Variants in LRP1B observed in about 807,000 individuals in gnomAD.
LRP1B encodes LDL receptor related protein 1B.
A neutral mutation model predicts 556.6 loss-of-function variants in LRP1B; 217 were observed. That is an observed-to-expected ratio of 0.39 (90% CI 0.35 to 0.44). The LOEUF is 0.44. LRP1B is among the 20% of genes least tolerant of loss of function. The probability of loss-of-function intolerance (pLI) is 1.00; values close to 1 mark genes in which losing one functional copy is unlikely to be tolerated. For missense variants in LRP1B, 5,053 were observed against 5,620.8 expected (o/e 0.90, Z 3.23); for synonymous variants, 2,047 against 1,865.8 (o/e 1.10, Z -2.50).
At chr2:140,303,246 TGTTA>T (rs2105012089) in intron 83 of LRP1B, among the ~76,000 whole-genome samples, 2 of 151,866 alleles carry the variant, frequency 1.3e-5, no homozygotes, top group South Asian at 4.2e-4. Context: ...TTTATTTGTT[TGTTA>T]TTTATTTATT....
At chr2:141,178,999 T>C (rs373641785) in intron 7 of LRP1B, among the ~76,000 whole-genome samples, 1 of 152,102 alleles carries the variant, frequency 6.6e-6, no homozygotes, top group South Asian at 2.1e-4. Flanking sequence ...ATACCGTTGT[T>C]ATAAGAAGAT....
intron 1 of LRP1B, among the ~76,000 whole-genome samples, chr2:141,982,913 A>G (rs1367470209): frequency 6.6e-6 from 1 of 152,226 alleles, no homozygotes; most frequent in Non-Finnish European, 1.5e-5. Flanking sequence ...TTTCATTTGC[A>G]TTTCTGTCAC....
At chr2:142,130,593 C>G in intron 1 of LRP1B, 55 bp downstream of exon 1, 2 of 1,454,482 alleles carry the variant, frequency 1.4e-6, no homozygotes, top group South Asian at 2.5e-5. Flanking sequence ...CAAGCATCGC[C>G]CAGCAGGAAA....
At chr2:140,975,489 T>TGAGAGACAAATAGGGAGAAACA (rs70991130) in intron 18 of LRP1B, among the ~76,000 whole-genome samples, 1 of 151,650 alleles carries the variant, frequency 6.6e-6, no homozygotes, top group South Asian at 2.1e-4. Flanking sequence ...TAAAGTTATA[T>TGAGAGACAAATAGGGAGAAACA]AAGCAGGACA....
At chr2:140,972,718 C>CAGTAGTTTG (rs1696467885) in intron 18 of LRP1B, among the ~76,000 whole-genome samples, 1 of 151,000 alleles carries the variant, frequency 6.6e-6, no homozygotes, top group Non-Finnish European at 1.5e-5. Flanking sequence ...CTTGTTAAAA[C>CAGTAGTTTG]AATAGTTTGT....
intron 2 of LRP1B, among the ~76,000 whole-genome samples, chr2:141,710,359 G>T (rs909296787): frequency 1.2e-4 from 18 of 152,090 alleles, no homozygotes; most frequent in South Asian, 2.1e-4. Flanking sequence ...AAGCTAGCAG[G>T]AACTATACTA....
intron 79 of LRP1B, among the ~76,000 whole-genome samples, chr2:140,328,931 C>T (rs1267012075): frequency 1.3e-5 from 2 of 152,018 alleles, no homozygotes; most frequent in Non-Finnish European, 2.9e-5. Flanking sequence ...TGTTGGCCAA[C>T]AAATTTGCTT....
intron 24 of LRP1B, 22 bp downstream of exon 24, chr2:140,886,116 A>T (rs753970228): frequency 2.1e-6 from 3 of 1,432,992 alleles, no homozygotes; most frequent in South Asian, 1.4e-5. Context: ...CTAAACATTA[A>T]GAAAAATTAT....
At chr2:141,727,264 C>A (rs748553196) in intron 2 of LRP1B, among the ~76,000 whole-genome samples, 2 of 152,276 alleles carry the variant, frequency 1.3e-5, no homozygotes, top group South Asian at 2.1e-4. Context: ...TGGGTTATAT[C>A]TCTCCATTTC....
At chr2:140,478,231 C>T (rs1044848067) in intron 59 of LRP1B, among the ~76,000 whole-genome samples, 10 of 150,112 alleles carry the variant, frequency 6.7e-5, no homozygotes, top group African/African-American at 2.0e-4. Context: ...CTCACTGCAG[C>T]CTCCGCCTCC....
chr2:140,442,476 G>A, intron 66 of LRP1B, 28 bp downstream of exon 66: 1 of 1,601,000 alleles, frequency 6.2e-7, no homozygotes, highest in South Asian at 1.1e-5. Flanking sequence ...AATACGGAGA[G>A]ATAAGACCCA....
intron 6 of LRP1B, among the ~76,000 whole-genome samples, chr2:141,220,620 T>TG (rs1241731275): frequency 1.4e-5 from 2 of 139,388 alleles, no homozygotes; most frequent in Non-Finnish European, 3.1e-5. Flanking sequence ...TCTCCAAGGT[T>TG]GGAAAAAAAA....
At chr2:140,455,880 A>G (rs1390506231) in intron 62 of LRP1B, among the ~76,000 whole-genome samples, 1 of 152,242 alleles carries the variant, frequency 6.6e-6, no homozygotes, top group African/African-American at 2.4e-5. Flanking sequence ...TTACAATGTC[A>G]TATGACTATT....
At chr2:141,654,263 T>C (rs1049687822) in intron 2 of LRP1B, among the ~76,000 whole-genome samples, 1 of 152,206 alleles carries the variant, frequency 6.6e-6, no homozygotes, top group Non-Finnish European at 1.5e-5. Context: ...TGTATTGCAA[T>C]ATAAACCATC....
chr2:141,751,870 T>A (rs1338603048), intron 2 of LRP1B, among the ~76,000 whole-genome samples: 2 of 150,686 alleles, frequency 1.3e-5, no homozygotes, highest in East Asian at 3.9e-4. Context: ...GATTTTTTTT[T>A]ATTTTAAGAG....
chr2:141,687,053 C>G (rs181383832), intron 2 of LRP1B, among the ~76,000 whole-genome samples: 1 of 151,968 alleles, frequency 6.6e-6, no homozygotes, highest in Admixed American at 6.6e-5. Flanking sequence ...CTGTTAGAAG[C>G]AACAGAAAGA....
chr2:141,536,213 A>T (rs535326514), intron 2 of LRP1B, among the ~76,000 whole-genome samples: 87 of 152,252 alleles, frequency 5.7e-4, no homozygotes, highest in African/African-American at 1.8e-3. Flanking sequence ...AATTAATTTT[A>T]GCATTTCATC....
intron 2 of LRP1B, among the ~76,000 whole-genome samples, chr2:141,807,944 A>C (rs1442405988): frequency 6.6e-6 from 1 of 152,050 alleles, no homozygotes. Flanking sequence ...GGATGGCAGA[A>C]TATTTGTCAT....
At chr2:140,572,771 A>C (rs1239145344) in intron 43 of LRP1B, among the ~76,000 whole-genome samples, 1 of 147,502 alleles carries the variant, frequency 6.8e-6, no homozygotes, top group Non-Finnish European at 1.5e-5. Flanking sequence ...TGTGGTACGT[A>C]TACACAATGA....
Sources: gnomAD v4.1 joint callset for allele counts (sites outside exome capture counted in the v4.1 genomes callset) on GRCh38, gnomAD v4.1.1 for gene constraint, MANE v1.5 for transcripts, NCBI Gene and HGNC (gene_info 2026-07-23, HGNC 2026-07-21) for gene names.